CAPN7: variants seen among roughly 807,000 people sequenced by gnomAD.
CAPN7 encodes calpain 7.
CAPN7 carries 72 observed loss-of-function variants against 115.2 expected under a neutral mutation model. That is an observed-to-expected ratio of 0.63 (90% CI 0.52 to 0.76). The LOEUF (loss-of-function observed/expected upper bound fraction) is 0.76, where lower values mean the gene tolerates loss of function less well. Among genes scored for constraint, CAPN7 ranks in the 30% least tolerant of loss-of-function variants. The pLI is 0.00. For missense variants in CAPN7, 905 were observed against 971.5 expected, an observed-to-expected ratio of 0.93 and a Z score of 0.91; for synonymous variants, 344 against 322.3, an observed-to-expected ratio of 1.07 and a Z score of -0.72.
Position 15,243,833 on chromosome 3 carries a change from A to G in CAPN7, c.1864+1580A>G, listed in dbSNP as rs560590522. On this transcript the variant is annotated intron_variant, in intron 16 of 20. Transcript: ENST00000253693. ...AGGGAGAGGAATAGAAAAGATAACT[A>G]TTGGGTCCTGGCTTAATACGTGGGT... 1.7e-4 allele frequency among the ~76,000 whole-genome samples: 26 copies of G among 152,238 alleles called. No individual in the cohort carries two copies. In the South Asian group the frequency reaches 2.7e-3, roughly 16 times the overall value.
chr3:15,231,616 G>A (rs558268766), intron 9 of CAPN7, among the ~76,000 whole-genome samples: 9 of 151,278 alleles, frequency 5.9e-5, no homozygotes, highest in East Asian at 5.8e-4. Context: ...TGCAACCTCC[G>A]CCTCCTGGGT....
intron 19 of CAPN7, among the ~76,000 whole-genome samples, chr3:15,250,483 A>G (rs150508962): frequency 2.6e-5 from 4 of 152,282 alleles, no homozygotes; most frequent in African/African-American, 9.6e-5. Context: ...AGCCTCTCCA[A>G]CATGATGAAA....
At chr3:15,212,826 T>C (rs930572539) in intron 2 of CAPN7, among the ~76,000 whole-genome samples, 1 of 152,232 alleles carries the variant, frequency 6.6e-6, no homozygotes, top group African/African-American at 2.4e-5. Flanking sequence ...TTGATTTCTG[T>C]AGGGATTCTT....
At chr3:15,245,028 GCTGA>G (rs1365083454) in intron 16 of CAPN7, among the ~76,000 whole-genome samples, 1 of 150,798 alleles carries the variant, frequency 6.6e-6, no homozygotes, top group East Asian at 1.9e-4. Flanking sequence ...CTAAAAAGAT[GCTGA>G]CTAAATCCAT....
intron 1 of CAPN7, among the ~76,000 whole-genome samples, chr3:15,210,013 T>G (rs1332136295): frequency 6.6e-6 from 1 of 152,154 alleles, no homozygotes. Flanking sequence ...TTTATTTTAT[T>G]TTTCAGAGAC....
intron 19 of CAPN7, 43 bp from the exon 20 acceptor site, chr3:15,250,888 G>T (rs1559415792): frequency 7.6e-7 from 1 of 1,322,800 alleles, no homozygotes; most frequent in East Asian, 2.3e-5. Context: ...TCACGTTTGA[G>T]AATATATATT....
chr3:15,234,707 A>G (rs899767562), intron 11 of CAPN7, among the ~76,000 whole-genome samples: 8 of 152,180 alleles, frequency 5.3e-5, no homozygotes, highest in African/African-American at 1.9e-4. Context: ...TTGATAAATA[A>G]AATGATATGC....
intron 12 of CAPN7, 107 bp downstream of exon 12, chr3:15,235,252 GGAGTTTA>G: frequency 9.9e-7 from 1 of 1,010,016 alleles, no homozygotes. Context: ...AGGTTTAAGT[GGAGTTTA>G]TAAACCATTT....
rs1353249497 is a variant in CAPN7, at chr3:15,242,120, AAAAT to A, written c.1789-52_1789-49del. 2.0e-5 allele frequency: 22 copies of A among 1,123,482 alleles called. No homozygotes were observed. The African/African-American group carries it at 3.1e-4, about 16-fold the overall frequency. The allele number at this position is 1,123,482 out of a possible 1,614,324, so 69.6% of individuals were successfully genotyped here. ...CATTTTTTTGGAGAGATTTAAAAAG[AAAAT>A]AAATAGCATTTTGAACCCATTTTCT... On this transcript the variant is annotated intron_variant, in intron 15 of 20. Coordinates refer to ENST00000253693, the MANE Select transcript of CAPN7 (RefSeq NM_014296.3).
intron 15 of CAPN7, 131 bp from the exon 16 acceptor site, chr3:15,242,047 G>C (rs1168987813): frequency 4.5e-6 from 3 of 667,524 alleles, no homozygotes; most frequent in Non-Finnish European, 7.8e-6. Flanking sequence ...CTAAATAGCT[G>C]AAAACAATGC....
rs532352647 is a variant in CAPN7 at position 15,245,233 on chromosome 3, C to T, written c.1865-293C>T. Among the ~76,000 whole-genome samples, 277 of 150,406 alleles carry T rather than the reference C, an allele frequency of 1.8e-3. 2 individuals carry two copies. Among genetic ancestry groups the T allele is most frequent in the African/African-American group, 6.3e-3 (258 of 40,938 alleles). ...CTAATCCTGACTTTAAGATCCTCTA[C>T]GGGAGAAAAATGCAACACAGAACAA... On this transcript the variant is annotated intron_variant, in intron 16 of 20. Transcript: ENST00000253693.
intron 7 of CAPN7, among the ~76,000 whole-genome samples, 166 bp downstream of exon 7, chr3:15,228,131 A>T (rs1476294860): frequency 6.6e-6 from 1 of 152,142 alleles, no homozygotes; most frequent in East Asian, 1.9e-4. Flanking sequence ...CTGAGATAAT[A>T]TAAGTATAAA....
At chr3:15,211,998 A>G in intron 1 of CAPN7, 106 bp from the exon 2 acceptor site, 1 of 510,906 alleles carries the variant, frequency 2.0e-6, no homozygotes, top group Middle Eastern at 5.4e-4. Flanking sequence ...ATTTAAAGAC[A>G]TTCTTGTTTT....
chr3:15,247,966 A>G (rs1000984881), intron 19 of CAPN7, among the ~76,000 whole-genome samples: 2 of 151,362 alleles, frequency 1.3e-5, no homozygotes, highest in Admixed American at 6.6e-5. Flanking sequence ...ATAGGTGGGA[A>G]TTGAACAATG....
chr3:15,219,492 C>G (rs544423351), intron 4 of CAPN7, among the ~76,000 whole-genome samples: 1 of 152,312 alleles, frequency 6.6e-6, no homozygotes, highest in South Asian at 2.1e-4. Context: ...GAGTCCTTGA[C>G]ATACAGTTGT....
intron 19 of CAPN7, among the ~76,000 whole-genome samples, chr3:15,247,824 GA>G (rs940830156): frequency 4.6e-5 from 7 of 151,976 alleles, no homozygotes; most frequent in African/African-American, 9.7e-5. Flanking sequence ...GCATTGATAA[GA>G]AAAAAATCTG....
chr3:15,230,323 T>G, intron 8 of CAPN7, 119 bp from the exon 9 acceptor site: 2 of 537,610 alleles, frequency 3.7e-6, no homozygotes, highest in Non-Finnish European at 6.7e-6. Context: ...GAAAATATTC[T>G]CCTGTTTGTT....
chr3:15,228,843 GA>G, intron 7 of CAPN7, 130 bp from the exon 8 acceptor site: 1 of 648,200 alleles, frequency 1.5e-6, no homozygotes, highest in Non-Finnish European at 2.7e-6. Context: ...ATGTACCCCC[GA>G]ACCTAAAATA....
At chr3:15,242,364 G>GT in intron 16 of CAPN7, 111 bp downstream of exon 16, 2 of 662,298 alleles carry the variant, frequency 3.0e-6, no homozygotes, top group Non-Finnish European at 4.9e-6. Context: ...AAATAATTAT[G>GT]TTGATAGACT....
Sources: allele counts gnomAD v4.1 joint callset (sites outside exome capture counted in the v4.1 genomes callset), GRCh38; gene constraint gnomAD v4.1.1; transcripts MANE v1.5; gene names NCBI Gene and HGNC (gene_info 2026-07-23, HGNC 2026-07-21).